Variants in FAM227B observed in about 807,000 individuals in gnomAD.
FAM227B encodes protein FAM227B.
A neutral mutation model predicts 73.8 loss-of-function variants in FAM227B; 88 were observed. That is an observed-to-expected ratio of 1.19 (90% CI 1.00 to 1.42). FAM227B has a LOEUF of 1.42. Among genes scored for constraint, FAM227B ranks in the 40% most tolerant of loss-of-function variants. FAM227B has a pLI of 0.00. For missense variants in FAM227B, 632 were observed against 590.9 expected (o/e 1.07, Z -0.72); for synonymous variants, 210 against 190.5 (o/e 1.10, Z -0.84).
At chr15:49,401,985 A>G (rs2048191022) in intron 11 of FAM227B, among the ~76,000 whole-genome samples, 1 of 151,812 alleles carries the variant, frequency 6.6e-6, no homozygotes, top group Non-Finnish European at 1.5e-5. Flanking sequence ...CATGTACCCT[A>G]AAACTTAAAG....
intron 9 of FAM227B, among the ~76,000 whole-genome samples, chr15:49,550,752 C>T (rs2072859078): frequency 6.6e-6 from 1 of 151,706 alleles, no homozygotes; most frequent in Non-Finnish European, 1.5e-5. Flanking sequence ...CTCGTCACTT[C>T]CTAGATGGGA....
chr15:49,430,562 A>G (rs1197624855), intron 11 of FAM227B, among the ~76,000 whole-genome samples: 1 of 151,890 alleles, frequency 6.6e-6, no homozygotes, highest in Non-Finnish European at 1.5e-5. Flanking sequence ...AAAGAAAAGA[A>G]ATTTATTCTT....
At chr15:49,471,194 G>T (rs1008904044) in intron 11 of FAM227B, among the ~76,000 whole-genome samples, 1 of 151,966 alleles carries the variant, frequency 6.6e-6, no homozygotes, top group South Asian at 2.1e-4. Flanking sequence ...TAAGAATATG[G>T]CAAATGTGAG....
At chr15:49,503,684 A>G (rs1057390914) in intron 11 of FAM227B, among the ~76,000 whole-genome samples, 10 of 152,216 alleles carry the variant, frequency 6.6e-5, no homozygotes, top group African/African-American at 2.2e-4. Flanking sequence ...AATGCTCATC[A>G]TCACTGGCCA....
At chr15:49,530,192 A>C (rs2060506390) in intron 10 of FAM227B, among the ~76,000 whole-genome samples, 1 of 151,796 alleles carries the variant, frequency 6.6e-6, no homozygotes. Context: ...TATATGTAAC[A>C]GATGAAGATG....
At chr15:49,551,934 TTA>T in intron 9 of FAM227B, among the ~76,000 whole-genome samples, 1 of 152,338 alleles carries the variant, frequency 6.6e-6, no homozygotes, top group East Asian at 1.9e-4. Context: ...TCTTACTGTA[TTA>T]TGTCTTAAAA....
chr15:49,446,928 G>A lies in FAM227B; in HGVS notation c.1012+61283C>T, dbSNP rs558421176. ...AATACACAGATATATCAAGAAATCA[G>A]GAGAGATAAAAGGCAGAGAAATACT... On this transcript the variant is annotated intron_variant, in intron 11 of 15. Coordinates refer to ENST00000299338, the MANE Select transcript of FAM227B (RefSeq NM_152647.3). Among the ~76,000 whole-genome samples the A allele has an allele frequency of 9.0e-4, 137 of 151,502 alleles. 5 individuals are homozygous for A. The South Asian group carries it at 0.027, about 30-fold the overall frequency.
chr15:49,401,937 C>T (rs1427542499), intron 11 of FAM227B, among the ~76,000 whole-genome samples: 5 of 148,514 alleles, frequency 3.4e-5, no homozygotes, highest in Non-Finnish European at 7.4e-5. Flanking sequence ...ACCAGCATGG[C>T]ACATGTATAC....
At chr15:49,436,108 G>T (rs1002496370) in intron 11 of FAM227B, among the ~76,000 whole-genome samples, 9 of 151,474 alleles carry the variant, frequency 5.9e-5, no homozygotes, top group Admixed American at 5.9e-4. Flanking sequence ...AAGTTTGCTG[G>T]TATATAAATT....
At chr15:49,370,605 G>T (rs2045743714) in intron 12 of FAM227B, among the ~76,000 whole-genome samples, 1 of 152,210 alleles carries the variant, frequency 6.6e-6, no homozygotes, top group South Asian at 2.1e-4. Context: ...CTTTCAGAAA[G>T]TGGTTTTTAT....
At chr15:49,483,269 T>C in intron 11 of FAM227B, 1 of 1,270,536 alleles carries the variant, frequency 7.9e-7, no homozygotes, top group Non-Finnish European at 1.1e-6. Context: ...TGATAATTGA[T>C]AGCTTAGGCT....
intron 11 of FAM227B, among the ~76,000 whole-genome samples, chr15:49,457,580 T>C (rs2053425970): frequency 1.3e-5 from 2 of 151,990 alleles, no homozygotes; most frequent in East Asian, 3.9e-4. Context: ...TCTACTTCCA[T>C]TTCTCAAGAG....
intron 11 of FAM227B, among the ~76,000 whole-genome samples, chr15:49,396,709 A>C (rs2047682396): frequency 1.3e-5 from 2 of 150,182 alleles, no homozygotes; most frequent in East Asian, 1.9e-4. Flanking sequence ...GAGCAGCCTA[A>C]CTGGGAGGCA....
intron 10 of FAM227B, among the ~76,000 whole-genome samples, chr15:49,523,759 T>G (rs866471183): frequency 9.2e-5 from 14 of 152,260 alleles, no homozygotes; most frequent in Middle Eastern, 3.4e-3. Flanking sequence ...CTAATAGTGA[T>G]ATGGACAATG....
chr15:49,582,881 A>G (rs564961568), intron 5 of FAM227B, among the ~76,000 whole-genome samples: 3 of 149,074 alleles, frequency 2.0e-5, no homozygotes, highest in East Asian at 2.0e-4. Flanking sequence ...GACTTTCAGG[A>G]AAAAAAAAAG....
chr15:49,585,857 A>G (rs1303327296), intron 5 of FAM227B, among the ~76,000 whole-genome samples: 4 of 152,166 alleles, frequency 2.6e-5, no homozygotes, highest in Non-Finnish European at 5.9e-5. Flanking sequence ...AAATTAAATT[A>G]AATTGAAAAG....
chr15:49,375,513 T>A (rs866524598), intron 11 of FAM227B, among the ~76,000 whole-genome samples: 156 of 151,946 alleles, frequency 1.0e-3, no homozygotes, highest in South Asian at 3.0e-3. Flanking sequence ...TATTTTTTTT[T>A]ATAAGAACCA....
intron 10 of FAM227B, among the ~76,000 whole-genome samples, chr15:49,540,612 C>A (rs1242229917): frequency 1.3e-5 from 2 of 152,142 alleles, no homozygotes; most frequent in Non-Finnish European, 2.9e-5. Flanking sequence ...TTAGAGCCCA[C>A]CCATGTAATG....
intron 14 of FAM227B, among the ~76,000 whole-genome samples, chr15:49,332,882 G>A (rs2039049457): frequency 6.6e-6 from 1 of 152,128 alleles, no homozygotes; most frequent in South Asian, 2.1e-4. Context: ...TTGCATTTGT[G>A]CTCTGTGACT....
Sources: allele counts gnomAD v4.1 joint callset (sites outside exome capture counted in the v4.1 genomes callset), GRCh38; gene constraint gnomAD v4.1.1; transcripts MANE v1.5; gene names NCBI Gene and HGNC (gene_info 2026-07-23, HGNC 2026-07-21).